WWC2: variants seen among roughly 807,000 people sequenced by gnomAD.
WWC2 encodes protein WWC2.
In WWC2, 101 loss-of-function variants were observed where a neutral mutation model predicts 138.5. That is an observed-to-expected ratio of 0.73 (90% CI 0.62 to 0.86). WWC2 has a LOEUF of 0.86. Ranked by LOEUF, WWC2 falls within the 40% of genes least tolerant of loss-of-function variation. The pLI is 0.00. For missense variants in WWC2, 1,420 were observed against 1,419.4 expected, an observed-to-expected ratio of 1.00 and a Z score of -0.01; for synonymous variants, 558 against 538.4, an observed-to-expected ratio of 1.04 and a Z score of -0.50.
intron 2 of WWC2, 150 bp from the exon 3 acceptor site, chr4:183,207,803 A>T: frequency 1.5e-6 from 1 of 660,428 alleles, no homozygotes; most frequent in Non-Finnish European, 2.4e-6. Flanking sequence ...TGGGTAAAAT[A>T]AAACTAAAAT....
At chr4:183,175,783 A>G (rs1408897027) in intron 1 of WWC2, among the ~76,000 whole-genome samples, 1 of 152,228 alleles carries the variant, frequency 6.6e-6, no homozygotes, top group African/African-American at 2.4e-5. Flanking sequence ...TCGTGAAAGC[A>G]CTGGGAAACA....
chr4:183,246,012 A>G (rs563538078), intron 6 of WWC2, among the ~76,000 whole-genome samples: 1 of 152,170 alleles, frequency 6.6e-6, no homozygotes, highest in African/African-American at 2.4e-5. Flanking sequence ...CTGGGGTGCC[A>G]GCTAAGGGTG....
chr4:183,312,798 A>G (rs1206262128), intron 22 of WWC2, among the ~76,000 whole-genome samples: 2 of 152,120 alleles, frequency 1.3e-5, no homozygotes, highest in South Asian at 4.2e-4. Context: ...CATTTTACAG[A>G]CATTCCTTGG....
intron 1 of WWC2, among the ~76,000 whole-genome samples, chr4:183,120,734 G>A (rs1156868038): frequency 2.0e-5 from 3 of 151,874 alleles, no homozygotes; most frequent in Non-Finnish European, 2.9e-5. Context: ...TTTAATTTTG[G>A]TATAAGTTGG....
intron 21 of WWC2, among the ~76,000 whole-genome samples, chr4:183,292,346 G>GAAAAAA (rs70956575): frequency 6.9e-6 from 1 of 145,634 alleles, no homozygotes; most frequent in Non-Finnish European, 1.5e-5. Context: ...CATCTCCATG[G>GAAAAAA]AAAAAAAAAA....
At chr4:183,298,626 T>A (rs970402832) in intron 21 of WWC2, among the ~76,000 whole-genome samples, 6 of 152,178 alleles carry the variant, frequency 3.9e-5, no homozygotes, top group Non-Finnish European at 8.8e-5. Context: ...CCTTATAAAA[T>A]ACCATAAAAG....
At chr4:183,264,539 A>G (rs1327915962) in intron 11 of WWC2, among the ~76,000 whole-genome samples, 1 of 152,194 alleles carries the variant, frequency 6.6e-6, no homozygotes, top group African/African-American at 2.4e-5. Context: ...AGGATATGGC[A>G]TGTGGAGAGA....
intron 1 of WWC2, among the ~76,000 whole-genome samples, chr4:183,172,922 G>C (rs977519483): frequency 6.6e-6 from 1 of 151,774 alleles, no homozygotes; most frequent in Non-Finnish European, 1.5e-5. Flanking sequence ...TTTTAAACTT[G>C]ATCTTTTAAT....
At chr4:183,160,127 C>A (rs1733918078) in intron 1 of WWC2, among the ~76,000 whole-genome samples, 1 of 152,188 alleles carries the variant, frequency 6.6e-6, no homozygotes, top group African/African-American at 2.4e-5. Context: ...GTCCACAAAT[C>A]CTGTATAAGT....
At chr4:183,180,544 A>G (rs1392757664) in intron 1 of WWC2, among the ~76,000 whole-genome samples, 1 of 152,162 alleles carries the variant, frequency 6.6e-6, no homozygotes, top group Non-Finnish European at 1.5e-5. Context: ...AAACATTTAT[A>G]GCAACATCAT....
chr4:183,147,288 A>G (rs149651701), intron 1 of WWC2, among the ~76,000 whole-genome samples: 14 of 152,332 alleles, frequency 9.2e-5, no homozygotes, highest in Middle Eastern at 3.4e-3. Flanking sequence ...TCTATTTTCT[A>G]TGAGGCTGTG....
At chr4:183,106,467 C>T (rs1429429322) in intron 1 of WWC2, among the ~76,000 whole-genome samples, 3 of 151,932 alleles carry the variant, frequency 2.0e-5, no homozygotes, top group African/African-American at 7.2e-5. Flanking sequence ...AAGACTACAC[C>T]TTAGTAGTTT....
At chr4:183,205,983 C>T (rs1735435812) in intron 2 of WWC2, among the ~76,000 whole-genome samples, 1 of 152,184 alleles carries the variant, frequency 6.6e-6, no homozygotes, top group South Asian at 2.1e-4. Context: ...GTCTCTGGAG[C>T]TTCTACTGTG....
chr4:183,139,161 C>T (rs1733212985), intron 1 of WWC2, among the ~76,000 whole-genome samples: 1 of 152,168 alleles, frequency 6.6e-6, no homozygotes, highest in African/African-American at 2.4e-5. Context: ...ACTCTTTTGC[C>T]TCCTTCCTTT....
At chr4:183,152,154 G>T (rs1278837066) in intron 1 of WWC2, among the ~76,000 whole-genome samples, 1 of 152,032 alleles carries the variant, frequency 6.6e-6, no homozygotes, top group Non-Finnish European at 1.5e-5. Flanking sequence ...GAAAGAAAAG[G>T]ATTTAACGTT....
intron 21 of WWC2, among the ~76,000 whole-genome samples, chr4:183,292,648 A>T (rs1255484386): frequency 6.6e-6 from 1 of 152,226 alleles, no homozygotes; most frequent in Non-Finnish European, 1.5e-5. Flanking sequence ...ATCTATCCAC[A>T]AAGAAAATAT....
At chr4:183,104,629 G>GT (rs533568532) in intron 1 of WWC2, among the ~76,000 whole-genome samples, 1 of 152,148 alleles carries the variant, frequency 6.6e-6, no homozygotes, top group South Asian at 2.1e-4. Flanking sequence ...AATTATTTGA[G>GT]TGATTATAGT....
At chr4:183,194,358 T>TTG (rs140999489) in intron 2 of WWC2, among the ~76,000 whole-genome samples, 2 of 152,010 alleles carry the variant, frequency 1.3e-5, no homozygotes, top group African/African-American at 2.4e-5. Flanking sequence ...TTGTGTATGT[T>TTG]TGTGTGTGTG....
intron 9 of WWC2, among the ~76,000 whole-genome samples, chr4:183,257,621 C>G (rs1233098658): frequency 6.6e-6 from 1 of 152,032 alleles, no homozygotes; most frequent in African/African-American, 2.4e-5. Context: ...TTTCTTCTAA[C>G]CCCTGGTTAT....
Sources: gnomAD v4.1 joint callset for allele counts (sites outside exome capture counted in the v4.1 genomes callset) on GRCh38, gnomAD v4.1.1 for gene constraint, MANE v1.5 for transcripts, NCBI Gene and HGNC (gene_info 2026-07-23, HGNC 2026-07-21) for gene names.